Variants in MKLN1 observed in about 807,000 individuals in gnomAD.
MKLN1 encodes muskelin 1.
Under a neutral mutation model 99.0 loss-of-function variants are expected in MKLN1, and 18 were observed. The observed-to-expected ratio is 0.18, with a 90% CI of 0.13 to 0.27. The LOEUF (loss-of-function observed/expected upper bound fraction) is 0.27, where lower values mean the gene tolerates loss of function less well. MKLN1 is among the 10% of genes least tolerant of loss of function. The pLI is 1.00. For missense variants in MKLN1, 621 were observed against 875.9 expected (o/e 0.71, Z 3.67); for synonymous variants, 288 against 293.2 (o/e 0.98, Z 0.18).
chr7:131,153,130 C>T (rs959834918), intron 2 of MKLN1, among the ~76,000 whole-genome samples: 2 of 149,676 alleles, frequency 1.3e-5, no homozygotes, highest in Non-Finnish European at 3.0e-5. Flanking sequence ...TTACCTAGAT[C>T]CATTAGTTCA....
In MKLN1 at chr7:131,397,280, C is replaced by T. The variant is rs201099688; in HGVS notation, c.414C>T (p.Ser138=). The change falls in exon 5 of 18, where the codon TCC becomes TCT. Residue 138 remains serine, a synonymous_variant. Coordinates refer to ENST00000352689, the MANE Select transcript of MKLN1 (RefSeq NM_013255.5). ...CRFIKIVPLL[S]WGPSFNFSIW... ...TTCTCCTTAAAGTTCCACTCTTGTC[C>T]TGGGGACCCAGCTTTAACTTTAGCA... The T allele has an allele frequency of 1.2e-6, 2 of 1,609,622 alleles. No individual in the cohort carries two copies. The highest frequency in any genetic ancestry group is 1.1e-5 in the South Asian group (1 of 90,680).
chr7:131,460,535 C>G (rs574569381), intron 12 of MKLN1, among the ~76,000 whole-genome samples: 2 of 152,334 alleles, frequency 1.3e-5, no homozygotes, highest in African/African-American at 4.8e-5. Context: ...TTGGGAGTTA[C>G]TTTAAGCTCT....
chr7:131,418,472 A>C (rs1173883728), intron 8 of MKLN1, among the ~76,000 whole-genome samples: 1 of 152,174 alleles, frequency 6.6e-6, no homozygotes, highest in African/African-American at 2.4e-5. Flanking sequence ...CCACACATAA[A>C]ATACACTAAC....
chr7:131,146,751 G>A (rs1301936937), intron 2 of MKLN1, among the ~76,000 whole-genome samples: 1 of 152,132 alleles, frequency 6.6e-6, no homozygotes, highest in Non-Finnish European at 1.5e-5. Flanking sequence ...CGTCACTCCC[G>A]GCAAAGGCCT....
rs577862470 is a variant in MKLN1, at chr7:131,277,387, G to A, written c.-179+74413G>A. ...CAACCTCCGCCTCCTGGGTTCAAGC[G>A]ATTCTCCTGCCTCAGCCTCCTGAGT... On this transcript the variant is annotated intron_variant, in intron 3 of 7. Coordinates refer to the MKLN1 transcript ENST00000416992. Among the ~76,000 whole-genome samples, 645 of 151,910 alleles carry A rather than the reference G, an allele frequency of 4.2e-3. 3 individuals carry two copies. The highest frequency in any genetic ancestry group is 6.7e-3 in the Non-Finnish European group (456 of 67,922).
intron 7 of MKLN1, among the ~76,000 whole-genome samples, chr7:131,412,038 G>A (rs1794897507): frequency 6.6e-6 from 1 of 151,534 alleles, no homozygotes; most frequent in South Asian, 2.1e-4. Flanking sequence ...AGTCAGCCGT[G>A]TTCATACCAC....
chr7:131,449,700 CTTCCCATTCTTT>C (rs1796122927), intron 12 of MKLN1, among the ~76,000 whole-genome samples: 1 of 151,658 alleles, frequency 6.6e-6, no homozygotes, highest in Non-Finnish European at 1.5e-5. Flanking sequence ...CTTTTCCCTC[CTTCCCATTCTTT>C]TTCCCATGTC....
At chr7:131,181,566 G>A (rs1796376933) in intron 2 of MKLN1, among the ~76,000 whole-genome samples, 1 of 151,952 alleles carries the variant, frequency 6.6e-6, no homozygotes, top group Non-Finnish European at 1.5e-5. Context: ...AAAATTAACT[G>A]GACTTGGTGG....
At chr7:131,248,986 C>T in intron 3 of MKLN1, among the ~76,000 whole-genome samples, 1 of 152,248 alleles carries the variant, frequency 6.6e-6, no homozygotes. Context: ...CCCCAAGAAA[C>T]CCTCTCCTGG....
At chr7:131,371,501 G>A (rs969076958) in intron 1 of MKLN1, among the ~76,000 whole-genome samples, 3 of 151,982 alleles carry the variant, frequency 2.0e-5, no homozygotes, top group Admixed American at 1.3e-4. Flanking sequence ...ATTTTATTCA[G>A]CACTGGTATT....
Position 131,368,881 on chromosome 7 carries a change from A to G in MKLN1, c.99-6543A>G, listed in dbSNP as rs192708793. On this transcript the variant is annotated intron_variant, in intron 1 of 17. Coordinates refer to ENST00000352689, the MANE Select transcript of MKLN1 (RefSeq NM_013255.5). The stretch of plus-strand genomic sequence containing the variant: ...TATTTTATGTATGAATAATATGACA[A>G]ATAACAAGAAAATAAGTAAAATCTC... Among the ~76,000 whole-genome samples, 498 of 152,256 alleles carry G rather than the reference A, an allele frequency of 3.3e-3. 1 individual carries two copies. The highest frequency in any genetic ancestry group is 0.01 in the Middle Eastern group (3 of 294).
At chr7:131,478,500 T>A in intron 16 of MKLN1, 123 bp from the exon 17 acceptor site, 1 of 959,142 alleles carries the variant, frequency 1.0e-6, no homozygotes. Flanking sequence ...TAGACCTATG[T>A]CACACATATG....
intron 2 of MKLN1, among the ~76,000 whole-genome samples, chr7:131,147,833 C>A (rs1459981222): frequency 6.6e-6 from 1 of 152,156 alleles, no homozygotes; most frequent in Non-Finnish European, 1.5e-5. Context: ...AGTGACCCTG[C>A]TCATTAGCAG....
intron 11 of MKLN1, 127 bp from the exon 12 acceptor site, chr7:131,445,647 G>A: frequency 3.0e-6 from 2 of 663,710 alleles, no homozygotes; most frequent in Non-Finnish European, 4.8e-6. Flanking sequence ...TTTTATTCCA[G>A]CATAGTACTC....
intron 3 of MKLN1, among the ~76,000 whole-genome samples, chr7:131,267,680 T>C (rs1437244708): frequency 6.6e-6 from 1 of 152,238 alleles, no homozygotes; most frequent in African/African-American, 2.4e-5. Flanking sequence ...AAGCTGAATT[T>C]ATCCCTTATT....
chr7:131,377,003 T>G (rs1177831056), intron 2 of MKLN1, among the ~76,000 whole-genome samples: 1 of 152,228 alleles, frequency 6.6e-6, no homozygotes, highest in Non-Finnish European at 1.5e-5. Context: ...TAATTGTAGT[T>G]TGTTCATTTT....
At chr7:131,262,314 G>A (rs1336802382) in intron 3 of MKLN1, among the ~76,000 whole-genome samples, 3 of 151,872 alleles carry the variant, frequency 2.0e-5, no homozygotes, top group African/African-American at 7.3e-5. Flanking sequence ...GCGTGCGACT[G>A]TAGTACCAGC....
At chr7:131,194,857 C>T (rs6467360) in intron 2 of MKLN1, among the ~76,000 whole-genome samples, 6,130 of 152,128 alleles carry the variant, frequency 0.04, 401 homozygotes, top group African/African-American at 0.14. Context: ...GAAATGCAGA[C>T]GATTATGTTA....
intron 9 of MKLN1, 44 bp downstream of exon 9, chr7:131,429,189 G>A (rs1325350022): frequency 2.6e-5 from 33 of 1,275,978 alleles, no homozygotes; most frequent in Admixed American, 5.5e-5. Flanking sequence ...CAGAAGGGGC[G>A]TAGATGTGCA....
Sources: gnomAD v4.1 joint callset for allele counts (sites outside exome capture counted in the v4.1 genomes callset) on GRCh38, gnomAD v4.1.1 for gene constraint, MANE v1.5 for transcripts, NCBI Gene and HGNC (gene_info 2026-07-23, HGNC 2026-07-21) for gene names.